RALGDS: variants seen among roughly 807,000 people sequenced by gnomAD.
RALGDS encodes ral guanine nucleotide exchange factor.
A neutral mutation model predicts 99.8 loss-of-function variants in RALGDS; 44 were observed. That is an observed-to-expected ratio of 0.44 (90% confidence interval 0.35 to 0.57). The LOEUF (loss-of-function observed/expected upper bound fraction) is 0.57. Ranked by LOEUF, RALGDS falls within the 20% of genes least tolerant of loss-of-function variation. RALGDS has a pLI of 0.01. For synonymous variants in RALGDS, 529 were observed against 505.0 expected (o/e 1.05, Z -0.64); for missense variants, 1,022 against 1,203.1 (o/e 0.85, Z 2.23).
At chr9:133,148,445 C>T (rs1832661891) in intron 1 of RALGDS, among the ~76,000 whole-genome samples, 1 of 152,018 alleles carries the variant, frequency 6.6e-6, no homozygotes, top group Admixed American at 6.5e-5. Flanking sequence ...TTGCTGGGTA[C>T]TGGATGCCCC....
chr9:133,109,431 G>A (rs1831230010), intron 4 of RALGDS, among the ~76,000 whole-genome samples, 195 bp downstream of exon 4: 1 of 152,044 alleles, frequency 6.6e-6, no homozygotes, highest in African/African-American at 2.4e-5. Flanking sequence ...AGCCACCCCA[G>A]GACCCCTCCA....
upstream of RALGDS, among the ~76,000 whole-genome samples, chr9:133,131,590 C>T (rs1024117103): frequency 7.2e-5 from 11 of 152,102 alleles, no homozygotes; most frequent in African/African-American, 2.4e-4. Context: ...CAACACCATC[C>T]CTGCCCCAGC....
At chr9:133,145,843 C>T (rs1832614705) in intron 1 of RALGDS, among the ~76,000 whole-genome samples, 1 of 152,232 alleles carries the variant, frequency 6.6e-6, no homozygotes, top group Admixed American at 6.5e-5. Flanking sequence ...ACTACAAAAC[C>T]TGTTAGCTGC....
At chr9:133,104,876 A>G (rs1396300042) in intron 9 of RALGDS, among the ~76,000 whole-genome samples, 1 of 152,108 alleles carries the variant, frequency 6.6e-6, no homozygotes, top group Non-Finnish European at 1.5e-5. Context: ...CAGTCCTGTT[A>G]TGGCTGCACA....
Position 133,129,434 on chromosome 9 carries a change from C to T in RALGDS, c.132+1518G>A, listed in dbSNP as rs375581511. On this transcript the variant is annotated intron_variant, in intron 1 of 17. Transcript: ENST00000372062. ...CCGAGTGCCTGGGCCTGGTGTCACC[C>T]GCGTGGCTGTCATACCTGCTGCTGT... 723 of 1,401,052 alleles carry T rather than the reference C, an allele frequency of 5.2e-4. 15 individuals carry two copies. In the South Asian group the frequency reaches 0.01, roughly 20 times the overall value. The allele number at this position is 1,401,052 out of a possible 1,614,324, so 86.8% of individuals were successfully genotyped here. A position where few individuals can be genotyped will look rare whatever the true frequency, so the allele number is the denominator to read the frequency against.
At position 133,102,032 on chromosome 9, in the gene RALGDS, G is replaced by A. The variant is rs370960854; in HGVS notation, c.2117C>T (p.Ala706Val). The A allele has an allele frequency of 4.5e-5, 70 of 1,556,134 alleles. 2 individuals carry two copies. In the South Asian group the frequency reaches 5.0e-4, roughly 11 times the overall value. ...GGAGCCGGCCGAGTGCACGCTGAGC[G>A]CGTCAGCGATGTCCCCGCTGCTGAG... ...PYLSSGDIADALSVHSAGSSS... is the reference protein window; with the variant it reads ...PYLSSGDIADVLSVHSAGSSS... The change falls in exon 15 of 18, where the codon GCG becomes GTG. Residue 706 changes from alanine (A) to valine (V), a missense_variant. Physicochemically the swap from Ala to Val is moderately conservative, Grantham distance 64 (BLOSUM62 0). Transcript: ENST00000372050.
rs1454178334 is a variant in RALGDS, at chr9:133,121,072, C to G, written c.83G>C (p.Ser28Thr). The G allele has an allele frequency of 4.0e-6, 6 of 1,483,960 alleles. No individual in the cohort carries two copies. The highest frequency in any genetic ancestry group is 5.3e-6 in the Non-Finnish European group (6 of 1,123,380). 91.9% of individuals were successfully genotyped at this position (1,483,960 alleles called of 1,614,324 possible). Reference protein sequence around the residue: ...PLFPGSRRSRSVWDAVRLEVG... With the variant: ...PLFPGSRRSRTVWDAVRLEVG... ...CTCCAGGCGCACGGCGTCCCACACG[C>G]TGCGGCTCCGCCGGGAGCCCGGAAA... is the stretch of plus-strand genomic sequence containing the variant. Residue 28 changes from serine (S) to threonine (T), a missense_variant, in exon 1 of 18, where the codon AGC (serine) becomes ACC (threonine). Around this residue, in one of 3 missense-constraint regions of RALGDS, gnomAD observed 180 missense variants for 169.3 expected, o/e 1.06. Transcript: ENST00000372050.
Position 133,105,974 on chromosome 9 carries a change from T to C in RALGDS, c.1560A>G (p.Ser520=). 6.2e-7 allele frequency: 1 copy of C among 1,606,342 alleles called. No individual in the cohort carries two copies. Among genetic ancestry groups the C allele is most frequent in the Non-Finnish European group, 8.5e-7 (1 of 1,177,314 alleles). Reference sequence around the variant, plus strand: ...GGCTCAATGAGTAGTTGTTCTCATCTGAGAAGATCTCTGACAGCTTCTGAA... The same window carrying C: ...GGCTCAATGAGTAGTTGTTCTCATCCGAGAAGATCTCTGACAGCTTCTGAA... ...RIFQKLSEIF[S]DENNYSLSRE... Residue 520 remains serine, a synonymous_variant, in exon 9 of 18, where the codon TCA becomes TCG. Coordinates refer to ENST00000372050, the MANE Select transcript of RALGDS (RefSeq NM_006266.4).
chr9:133,102,411 G>C, intron 14 of RALGDS, 65 bp downstream of exon 14: 1 of 1,538,100 alleles, frequency 6.5e-7, no homozygotes, highest in Non-Finnish European at 9.0e-7. Context: ...CCTGAGCCCA[G>C]GCTCAGCCCT....
rs1294995417 is a variant in RALGDS, at chr9:133,105,956, T to G, written c.1578A>C (p.Ser526=). Residue 526 remains serine (S), a synonymous_variant, in exon 9 of 18, where the codon TCA becomes TCC. Coordinates refer to ENST00000372050, the MANE Select transcript of RALGDS (RefSeq NM_006266.4). ...SEIFSDENNY[S]LSRELLIKEG... ...CCTTGATGAGCAGCTCCCGGCTCAA[T>G]GAGTAGTTGTTCTCATCTGAGAAGA... 3.1e-6 allele frequency: 5 copies of G among 1,598,396 alleles called. No homozygotes were observed. The highest frequency in any genetic ancestry group is 4.3e-6 in the Non-Finnish European group (5 of 1,173,978).
At chr9:133,109,751 ACT>A in intron 3 of RALGDS, 30 bp from the exon 4 acceptor site, 1 of 1,583,832 alleles carries the variant, frequency 6.3e-7, no homozygotes, top group Non-Finnish European at 8.7e-7. Context: ...TTACTGTCTG[ACT>A]CTCCGACTAG....
intron 2 of RALGDS, 70 bp from the exon 3 acceptor site, chr9:133,110,559 C>T (rs981090697): frequency 5.1e-6 from 7 of 1,378,438 alleles, no homozygotes; most frequent in African/African-American, 1.4e-5. Flanking sequence ...CAGATGGAAC[C>T]CCGAGCCCTC....
Position 133,098,315 on chromosome 9 carries a change from TG to T in RALGDS, c.*271del. 3.9e-6 allele frequency: 2 copies of T among 513,876 alleles called. No individual in the cohort carries two copies. Among genetic ancestry groups the T allele is most frequent in the Non-Finnish European group, 7.1e-6 (2 of 280,620 alleles). The allele number at this position is 513,876 out of a possible 1,614,324, so 31.8% of individuals were successfully genotyped here. A position where few individuals can be genotyped will look rare whatever the true frequency, so the allele number is the denominator to read the frequency against. On this transcript the variant is annotated 3_prime_UTR_variant, in exon 18 of 18. Coordinates refer to ENST00000372050, the MANE Select transcript of RALGDS (RefSeq NM_006266.4). ...GCGCCCGGGGGCAGGCAGGGCACCA[TG>T]CCATGCCCGTTGGCACTGCTCCTTG...
At chr9:133,136,812 C>G (rs1489994729) in intron 1 of RALGDS, among the ~76,000 whole-genome samples, 1 of 152,030 alleles carries the variant, frequency 6.6e-6, no homozygotes, top group Non-Finnish European at 1.5e-5. Flanking sequence ...TGGTGCGTGC[C>G]TGTAATCCCA....
rs1831284119 is a variant in RALGDS, at chr9:133,110,388, G to A, written c.396C>T (p.Phe132=). The A allele has an allele frequency of 6.2e-7, 1 of 1,613,400 alleles. No homozygotes were observed. The highest frequency in any genetic ancestry group is 1.3e-5 in the African/African-American group (1 of 74,916). ...EKLVEHLVPA[F]QGSDLSYVTI... ...TGACGTAGGAGAGGTCGCTGCCCTG[G>A]AAGGCTGGCACCAGGTGCTCCACCA... Residue 132 remains phenylalanine (F), a synonymous_variant, in exon 3 of 18, where the codon TTC becomes TTT. Coordinates refer to ENST00000372050, the MANE Select transcript of RALGDS (RefSeq NM_006266.4).
At chr9:133,110,616 G>C (rs1831295249) in intron 2 of RALGDS, 127 bp from the exon 3 acceptor site, 2 of 830,150 alleles carry the variant, frequency 2.4e-6, no homozygotes, top group East Asian at 5.3e-5. Context: ...AGCAGAAAAA[G>C]GTTATCAGCT....
intron 12 of RALGDS, 112 bp from the exon 13 acceptor site, chr9:133,103,012 C>G (rs972676735): frequency 5.3e-6 from 8 of 1,505,554 alleles, no homozygotes; most frequent in Non-Finnish European, 6.3e-6. Context: ...CCCATCCAGG[C>G]CTTCCTGTTC....
At chr9:133,114,631 CG>C (rs1440133827) in intron 1 of RALGDS, among the ~76,000 whole-genome samples, 1 of 152,204 alleles carries the variant, frequency 6.6e-6, no homozygotes, top group Non-Finnish European at 1.5e-5. Context: ...GAGCTCAGAG[CG>C]GGAGGAGCAG....
intron 1 of RALGDS, chr9:133,129,141 C>T (rs773281083): frequency 6.9e-6 from 11 of 1,591,516 alleles, no homozygotes; most frequent in East Asian, 4.5e-5. Context: ...AAACTCACCT[C>T]GGTGGTGGCC....
Sources: gnomAD v4.1 joint callset for allele counts (sites outside exome capture counted in the v4.1 genomes callset) on GRCh38, gnomAD v4.1.1 for gene constraint, gnomAD v4.1.1 regional missense constraint, MANE v1.5 for transcripts, NCBI Gene and HGNC (gene_info 2026-07-23, HGNC 2026-07-21) for gene names.